The following ATP11A variants were observed in gnomAD, a reference collection of about 807,000 sequenced individuals.
ATP11A encodes the protein ATPase phospholipid transporting 11A.
In ATP11A, 81 loss-of-function variants were observed where a neutral mutation model predicts 154.4. That is an observed-to-expected ratio of 0.52 (90% CI 0.44 to 0.63). The LOEUF is 0.63. Ranked by LOEUF, ATP11A falls within the 30% of genes least tolerant of loss-of-function variation. The pLI, the probability that ATP11A is intolerant of heterozygous loss-of-function variation, is 0.00. For synonymous variants in ATP11A, 623 were observed against 585.9 expected, an observed-to-expected ratio of 1.06 and a Z score of -0.91; for missense variants, 1,316 against 1,474.3, an observed-to-expected ratio of 0.89 and a Z score of 1.76.
chr13:112,737,364 G>A (rs1191420717), intron 1 of ATP11A, among the ~76,000 whole-genome samples: 1 of 152,236 alleles, frequency 6.6e-6, no homozygotes, highest in Non-Finnish European at 1.5e-5. Context: ...GGCAGGTTAG[G>A]CACTTTGTGA....
Position 112,821,122 on chromosome 13 carries a change from C to T in ATP11A, c.725+1172C>T, listed in dbSNP as rs1393890219. On this transcript the variant is annotated intron_variant, in intron 8 of 29. Coordinates refer to ENST00000375645, the MANE Select transcript of ATP11A (RefSeq NM_015205.3). ...AGAAATCTCTTGTATTTCTGTGTGC[C>T]GTGAGAATTAATTTGTGTTTGAACA... Among the ~76,000 whole-genome samples the T allele has an allele frequency of 7.2e-5, 11 of 151,994 alleles. No individual in the cohort carries two copies. In the South Asian group the frequency reaches 8.3e-4, roughly 11 times the overall value.
At chr13:112,702,345 CAAAAAAA>C (rs35687422) in intron 1 of ATP11A, among the ~76,000 whole-genome samples, 2 of 121,764 alleles carry the variant, frequency 1.6e-5, no homozygotes, top group East Asian at 2.5e-4. Context: ...GATTCTGTCT[CAAAAAAA>C]AAAAAAAAAA....
intron 25 of ATP11A, among the ~76,000 whole-genome samples, chr13:112,867,430 AG>A (rs1237626045): frequency 5.9e-5 from 9 of 152,204 alleles, no homozygotes; most frequent in Admixed American, 2.6e-4. Context: ...GATGGACTTC[AG>A]GGGCAAGGAC....
rs868299775 is a variant in ATP11A at position 112,756,867 on chromosome 13, A to G, written c.40-28268A>G. ...TCCCAGCGCGGGGTCTGCTCCCAGC[A>G]CGTGGTCTGCTCCCAGCACGGGGCC... is the stretch of plus-strand genomic sequence containing the variant. On this transcript the variant is annotated intron_variant, in intron 1 of 29. Coordinates refer to ENST00000375645, the MANE Select transcript of ATP11A (RefSeq NM_015205.3). Among the ~76,000 whole-genome samples the G allele has an allele frequency of 1.7e-3, 250 of 148,840 alleles. 1 individual carries two copies. Among genetic ancestry groups the G allele is most frequent in the African/African-American group, 2.9e-3 (114 of 39,766 alleles).
chr13:112,846,135 C>T (rs1026813166), intron 17 of ATP11A, among the ~76,000 whole-genome samples: 9 of 152,088 alleles, frequency 5.9e-5, no homozygotes, highest in Non-Finnish European at 1.0e-4. Flanking sequence ...GATGGGATGC[C>T]TTGGTGGAGT....
chr13:112,705,373 C>CACGGGGGT (rs1320732958), intron 1 of ATP11A, among the ~76,000 whole-genome samples: 16 of 152,314 alleles, frequency 1.1e-4, no homozygotes, highest in African/African-American at 3.1e-4. Context: ...GTCCTCAGCA[C>CACGGGGGT]GCGGGGGTGC....
intron 29 of ATP11A, 195 bp from the exon 30 acceptor site, chr13:112,881,681 G>T: frequency 8.0e-7 from 1 of 1,246,850 alleles, no homozygotes; most frequent in East Asian, 5.2e-5. Flanking sequence ...CTCAGGACGA[G>T]GGTGTGTCCT....
intron 1 of ATP11A, among the ~76,000 whole-genome samples, chr13:112,693,223 G>A (rs1885394977): frequency 6.6e-6 from 1 of 152,190 alleles, no homozygotes; most frequent in East Asian, 1.9e-4. Flanking sequence ...CCGGAGCCAT[G>A]CAGAGATACT....
At chr13:112,700,884 G>A (rs573601404) in intron 1 of ATP11A, among the ~76,000 whole-genome samples, 9 of 152,256 alleles carry the variant, frequency 5.9e-5, no homozygotes, top group South Asian at 2.1e-4. Flanking sequence ...TAGCATCCCC[G>A]CTACCCCTGA....
intron 25 of ATP11A, among the ~76,000 whole-genome samples, chr13:112,863,641 G>A (rs1184829186): frequency 6.8e-6 from 1 of 147,718 alleles, no homozygotes; most frequent in Admixed American, 6.7e-5. Context: ...ATTCAGTGCA[G>A]CCCATGCAGC....
chr13:112,831,330 C>A, intron 12 of ATP11A, 45 bp from the exon 13 acceptor site: 1 of 1,591,310 alleles, frequency 6.3e-7, no homozygotes, highest in South Asian at 1.1e-5. Flanking sequence ...CGGGGACGTG[C>A]GGGCCTCCCT....
Position 112,873,525 on chromosome 13 carries a change from T to C in ATP11A, c.3058-48T>C, listed in dbSNP as rs757521421. On this transcript the variant is annotated intron_variant, in intron 26 of 29. Transcript: ENST00000375645. Reference sequence around the variant, plus strand: ...TCTGTCCTGCCCATCACGATCATTCTCACTGCTCAGATGACACCGTTAACT... The same window carrying C: ...TCTGTCCTGCCCATCACGATCATTCCCACTGCTCAGATGACACCGTTAACT... 8.4e-6 allele frequency: 12 copies of C among 1,428,042 alleles called. No individual in the cohort carries two copies. The East Asian group carries it at 2.8e-4, about 33-fold the overall frequency. The allele number at this position is 1,428,042 out of a possible 1,614,324, so 88.5% of individuals were successfully genotyped here.
intron 16 of ATP11A, among the ~76,000 whole-genome samples, chr13:112,841,116 G>A (rs1455055934): frequency 6.6e-6 from 1 of 152,182 alleles, no homozygotes; most frequent in African/African-American, 2.4e-5. Flanking sequence ...AGAGTGCCAC[G>A]TGGCTTCGCG....
chr13:112,731,770 A>G (rs1358946165), intron 1 of ATP11A, among the ~76,000 whole-genome samples: 1 of 152,176 alleles, frequency 6.6e-6, no homozygotes, highest in South Asian at 2.1e-4. Flanking sequence ...TGCTACGAAC[A>G]TATCACATCC....
At chr13:112,756,597 T>C (rs2076839792) in intron 1 of ATP11A, among the ~76,000 whole-genome samples, 1 of 152,200 alleles carries the variant, frequency 6.6e-6, no homozygotes, top group Non-Finnish European at 1.5e-5. Flanking sequence ...GCAGACACGA[T>C]TTCAGACCGC....
intron 1 of ATP11A, among the ~76,000 whole-genome samples, chr13:112,716,248 T>G (rs1244951391): frequency 6.6e-6 from 1 of 152,170 alleles, no homozygotes; most frequent in Non-Finnish European, 1.5e-5. Flanking sequence ...GCATTCCCCA[T>G]CTGGTGGGAA....
At chr13:112,873,158 T>TGTGAGGTGTGGCTTTGTCTTCCTGAGC (rs2080591363) in intron 26 of ATP11A, among the ~76,000 whole-genome samples, 1 of 22,820 alleles carries the variant, frequency 4.4e-5, no homozygotes, top group Non-Finnish European at 1.0e-4. Flanking sequence ...TCTTCCTGAG[T>TGTGAGGTGTGGCTTTGTCTTCCTGAGC]GGTGTGAGGT....
intron 1 of ATP11A, among the ~76,000 whole-genome samples, chr13:112,723,530 C>T (rs1354622553): frequency 6.6e-6 from 1 of 150,452 alleles, no homozygotes; most frequent in African/African-American, 2.5e-5. Flanking sequence ...CCTTGTCCTC[C>T]CCAAGTGCTG....
At chr13:112,743,114 A>G (rs1372216865) in intron 1 of ATP11A, among the ~76,000 whole-genome samples, 1 of 152,198 alleles carries the variant, frequency 6.6e-6, no homozygotes, top group East Asian at 1.9e-4. Flanking sequence ...GAAGATTCAG[A>G]CTGGCAGACA....
Sources: allele counts gnomAD v4.1 joint callset (sites outside exome capture counted in the v4.1 genomes callset), GRCh38; gene constraint gnomAD v4.1.1; transcripts MANE v1.5; gene names NCBI Gene and HGNC (gene_info 2026-07-23, HGNC 2026-07-21).